The following MLH3 variants were observed in gnomAD, a reference collection of about 807,000 sequenced individuals.
MLH3 encodes DNA mismatch repair protein Mlh3.
Under a neutral mutation model 122.2 loss-of-function variants are expected in MLH3, and 82 were observed. That is an observed-to-expected ratio of 0.67 (90% CI 0.56 to 0.81). MLH3 has a LOEUF of 0.81. Among genes scored for constraint, MLH3 ranks in the 30% least tolerant of loss-of-function variants. The pLI, the probability that MLH3 is intolerant of heterozygous loss-of-function variation, is 0.00. For synonymous variants in MLH3, 524 were observed against 599.5 expected (o/e 0.87, Z 1.84); for missense variants, 1,539 against 1,714.5 (o/e 0.90, Z 1.81).
intron 6 of MLH3, among the ~76,000 whole-genome samples, chr14:75,035,101 A>T (rs983174667): frequency 6.6e-6 from 1 of 151,274 alleles, no homozygotes; most frequent in Admixed American, 6.6e-5. Context: ...AGAAAAAAAG[A>T]GAAATTTCAA....
intron 8 of MLH3, among the ~76,000 whole-genome samples, chr14:75,031,593 G>C (rs550952066): frequency 9.5e-4 from 145 of 152,258 alleles, no homozygotes; most frequent in African/African-American, 3.3e-3. Flanking sequence ...TGGGAGGATC[G>C]CTTGAGCCTA....
chr14:75,050,064 C>T (rs541598593), intron 1 of MLH3, among the ~76,000 whole-genome samples: 14 of 152,274 alleles, frequency 9.2e-5, no homozygotes, highest in South Asian at 4.1e-4. Flanking sequence ...AGCTAAGGAA[C>T]ATTAGCTAGA....
chr14:75,046,867 GT>G lies in MLH3; in HGVS notation c.2788del (p.Thr930GlnfsTer35), dbSNP rs775277584. 1 of 1,613,608 alleles carries G rather than the reference GT, an allele frequency of 6.2e-7. No homozygotes were observed. Among genetic ancestry groups the G allele is most frequent in the East Asian group, 2.2e-5 (1 of 44,782 alleles). On this transcript the variant is annotated frameshift_variant, in exon 2 of 13. Transcript: ENST00000355774. LOFTEE classifies it high-confidence loss of function. Reference sequence around the variant, plus strand: ...TGATGTTGGGATGACACCATTCTCTGTTTTTTCATGCTTGTTGTTAAATAAC... The same window carrying G: ...TGATGTTGGGATGACACCATTCTCTGTTTTTCATGCTTGTTGTTAAATAAC... ...CMLFNNKHEKTENGVIPTSDS... is the reference protein window; with the variant it reads ...CMLFNNKHEKXENGVIPTSDS...
rs560775993 is a variant in MLH3, at chr14:75,033,476, C to A, written c.3658G>T (p.Val1220Leu). The A allele has an allele frequency of 2.5e-6, 4 of 1,613,932 alleles. No homozygotes were observed. The highest frequency in any genetic ancestry group is 2.5e-6 in the Non-Finnish European group (3 of 1,179,862). ...TGGGCAGCGTGCTGATCCACCAGCA[C>A]GAGCAGGTTCCCACCTAGATGAGCA... The part of the protein sequence containing the change: ...ENGEAGGNLL[V>L]LVDQHAAHER... The change falls in exon 7 of 13, where the codon GTG becomes TTG. Residue 1220 changes from valine (V) to leucine (L), a missense_variant. Physicochemically the swap from Val to Leu is conservative, Grantham distance 32. Transcript: ENST00000355774.
At chr14:75,039,532 T>G (rs541773358) in intron 5 of MLH3, among the ~76,000 whole-genome samples, 17 of 152,234 alleles carry the variant, frequency 1.1e-4, no homozygotes, top group Admixed American at 2.0e-4. Flanking sequence ...AGGGCACTGT[T>G]GCACACTTAA....
At chr14:75,037,230 T>C (rs1218958431) in intron 6 of MLH3, among the ~76,000 whole-genome samples, 3 of 152,144 alleles carry the variant, frequency 2.0e-5, no homozygotes, top group Non-Finnish European at 4.4e-5. Flanking sequence ...CCCTCCTTTC[T>C]TTACTTAGTT....
At position 75,040,322 on chromosome 14, in the gene MLH3, C is replaced by T. The variant is rs140754795; in HGVS notation, c.3466-307G>A. Among the ~76,000 whole-genome samples, 144 of 151,396 alleles carry T rather than the reference C, an allele frequency of 9.5e-4. 1 individual carries two copies. Among genetic ancestry groups the T allele is most frequent in the African/African-American group, 2.3e-3 (96 of 41,310 alleles). ...AAAATTAGCTGGGCGTGGCGGCAGG[C>T]GCCTTTAGTCCCAGCTACTTGGGAG... On this transcript the variant is annotated intron_variant, in intron 4 of 12. Transcript: ENST00000355774.
At position 75,017,143 on chromosome 14, in the gene MLH3, T is replaced by C. The variant is rs772866061; in HGVS notation, c.4301A>G (p.Lys1434Arg). ...KMAQAWRLFG[K>R]AECDTRQSLQ... ...GCTCTGCCTTGTATCACACTCTGCT[T>C]TTCCAAAGAGACGCCAGGCCTGGGC... Residue 1434 changes from lysine (K) to arginine (R), a missense_variant, in exon 13 of 13, where the codon AAA becomes AGA. Coordinates refer to ENST00000355774, the MANE Select transcript of MLH3 (RefSeq NM_001040108.2). 65 of 1,613,302 alleles carry C rather than the reference T, an allele frequency of 4.0e-5. No individual in the cohort carries two copies. The highest frequency in any genetic ancestry group is 5.5e-5 in the Non-Finnish European group (65 of 1,180,000).
chr14:75,019,096 G>A (rs1890095013), intron 11 of MLH3, 116 bp from the exon 12 acceptor site: 13 of 968,028 alleles, frequency 1.3e-5, no homozygotes, highest in Non-Finnish European at 1.9e-5. Flanking sequence ...CTTCTTTAAT[G>A]AAGCTTTAAT....
chr14:75,017,040 A>G lies in MLH3; in HGVS notation c.*42T>C. 1 of 1,609,656 alleles carries G rather than the reference A, an allele frequency of 6.2e-7. No homozygotes were observed. The highest frequency in any genetic ancestry group is 2.2e-5 in the East Asian group (1 of 44,672). ...TGCTGCTCTCTGCTCAGAGGCATAC[A>G]GTGAACATCCCTTTGTTCCTTTTAG... On this transcript the variant is annotated 3_prime_UTR_variant, in exon 13 of 13. Coordinates refer to ENST00000355774, the MANE Select transcript of MLH3 (RefSeq NM_001040108.2).
intron 2 of MLH3, 21 bp downstream of exon 2, chr14:75,046,355 A>C (rs565592052): frequency 6.2e-7 from 1 of 1,613,414 alleles, no homozygotes; most frequent in East Asian, 2.2e-5. Context: ...CATCTCATGC[A>C]CATGAATACT....
Position 75,049,319 on chromosome 14 carries a change from T to C in MLH3, c.337A>G (p.Lys113Glu), listed in dbSNP as rs1892502343. 6.2e-7 allele frequency: 1 copy of C among 1,614,068 alleles called. No homozygotes were observed. Among genetic ancestry groups the C allele is most frequent in the African/African-American group, 1.3e-5 (1 of 74,936 alleles). Reference protein sequence around the residue: ...MASAVEISSKKNRTMKTFVKL... With the variant: ...MASAVEISSKENRTMKTFVKL... ...ACAAAAGTTTTCATTGTCCTGTTTT[T>C]CTTGGACGAAATTTCCACAGCACTG... Residue 113 changes from lysine (K) to glutamate (E), a missense_variant, in exon 2 of 13, where the codon AAA becomes GAA. Physicochemically the swap from Lys to Glu is moderately conservative, Grantham distance 56. Transcript: ENST00000355774.
chr14:75,040,772 G>T (rs1480854405), intron 4 of MLH3, among the ~76,000 whole-genome samples: 2 of 152,104 alleles, frequency 1.3e-5, no homozygotes, highest in African/African-American at 4.8e-5. Flanking sequence ...TTTATCTAAT[G>T]ATAACAATTT....
chr14:75,018,885 C>A lies in MLH3; in HGVS notation c.4186G>T (p.Gly1396Trp), dbSNP rs368876363. 24 of 1,613,982 alleles carry A rather than the reference C, an allele frequency of 1.5e-5. No homozygotes were observed. Among genetic ancestry groups the A allele is most frequent in the Non-Finnish European group, 1.9e-5 (23 of 1,179,996 alleles). Residue 1396 changes from glycine (G) to tryptophan (W), a missense_variant, in exon 12 of 13, where the codon GGG becomes TGG. Physicochemically the swap from Gly to Trp is radical, Grantham distance 184. Transcript: ENST00000355774. ...SCQLPFQCAH[G>W]RPSMLPLADI... ...GCTAACGGCAGCATAGAAGGTCTCC[C>A]GTGAGCACACTGGAATGGCAGCTGG...
intron 9 of MLH3, among the ~76,000 whole-genome samples, chr14:75,027,688 A>AAAAAAAAC (rs1566580542): frequency 4.5e-5 from 6 of 134,540 alleles, no homozygotes; most frequent in Non-Finnish European, 6.3e-5. Flanking sequence ...AAAAAAAAAA[A>AAAAAAAAC]AAAAAACCCA....
rs368883845 is a variant in MLH3, at chr14:75,047,478, A to G, written c.2178T>C (p.Asp726=). Residue 726 remains aspartate, a synonymous_variant, in exon 2 of 13, where the codon GAT becomes GAC. Coordinates refer to ENST00000355774, the MANE Select transcript of MLH3 (RefSeq NM_001040108.2). Reference sequence around the variant, plus strand: ...CAATTAATTTATCTGTTTTCCTACTATCATTGGAAACGTGTCTATACCAGG... The same window carrying G: ...CAATTAATTTATCTGTTTTCCTACTGTCATTGGAAACGTGTCTATACCAGG... ...SFPWYRHVSN[D]SRKTDKLIGF... is the part of the protein sequence containing the mutation. 2 of 1,613,992 alleles carry G rather than the reference A, an allele frequency of 1.2e-6. No individual in the cohort carries two copies. Among genetic ancestry groups the G allele is most frequent in the African/African-American group, 2.7e-5 (2 of 74,940 alleles).
At chr14:75,050,972 C>A (rs1285561420) in intron 1 of MLH3, 1 of 152,300 alleles carries the variant, frequency 6.6e-6, no homozygotes, top group Non-Finnish European at 1.5e-5. Context: ...GGGCTCTTAA[C>A]TGCAGAATTT....
intron 11 of MLH3, chr14:75,020,890 A>ATTT (rs1300474061): frequency 6.6e-6 from 1 of 151,498 alleles, no homozygotes; most frequent in Non-Finnish European, 1.5e-5. Context: ...TATTATTATT[A>ATTT]TTTTGAGATG....
rs545617565 is a variant in MLH3, at chr14:75,014,947, T to C, written c.*2135A>G. ...AGCTCCGAGCTTCGAAGTTTTATTA[T>C]ACAAAGGTGACAACTAGGTTCCTAA... On this transcript the variant is annotated 3_prime_UTR_variant, in exon 13 of 13. Coordinates refer to ENST00000355774, the MANE Select transcript of MLH3 (RefSeq NM_001040108.2). 4.6e-4 allele frequency: 83 copies of C among 179,736 alleles called. No homozygotes were observed. The highest frequency in any genetic ancestry group is 1.8e-3 in the African/African-American group (77 of 42,468). 11.1% of individuals were successfully genotyped at this position (179,736 alleles called of 1,614,324 possible).
Sources: allele counts gnomAD v4.1 joint callset (sites outside exome capture counted in the v4.1 genomes callset), GRCh38; gene constraint gnomAD v4.1.1; transcripts MANE v1.5; gene names NCBI Gene and HGNC (gene_info 2026-07-23, HGNC 2026-07-21).